Variants in CLVS1 observed in about 807,000 individuals in gnomAD.
The protein encoded by CLVS1 is clavesin-1.
In CLVS1, 10 loss-of-function variants were observed where a neutral mutation model predicts 33.1. The observed-to-expected ratio is 0.30, with a 90% CI of 0.19 to 0.51. CLVS1 has a LOEUF of 0.51. CLVS1 is among the 20% of genes least tolerant of loss of function. The pLI is 0.97. For missense variants in CLVS1, 343 were observed against 433.4 expected, an observed-to-expected ratio of 0.79 and a Z score of 1.85; for synonymous variants, 163 against 166.1, an observed-to-expected ratio of 0.98 and a Z score of 0.14.
intron 2 of CLVS1, among the ~76,000 whole-genome samples, chr8:61,194,587 T>A (rs2129303445): frequency 6.6e-6 from 1 of 152,038 alleles, no homozygotes; most frequent in Admixed American, 6.6e-5. Context: ...CAAAGGGAAA[T>A]AGATAAATAA....
At chr8:61,224,189 C>A (rs765801181) in intron 2 of CLVS1, among the ~76,000 whole-genome samples, 6 of 152,124 alleles carry the variant, frequency 3.9e-5, no homozygotes, top group Non-Finnish European at 7.4e-5. Context: ...ATCTCCTCCT[C>A]CGTCCAGTTC....
intron 2 of CLVS1, among the ~76,000 whole-genome samples, chr8:61,236,746 T>G: frequency 6.6e-6 from 1 of 151,748 alleles, no homozygotes; most frequent in Non-Finnish European, 1.5e-5. Context: ...TGGAAAAGAC[T>G]GTAGAGATCA....
At chr8:61,379,146 A>G (rs1379255643) in intron 3 of CLVS1, among the ~76,000 whole-genome samples, 1 of 152,158 alleles carries the variant, frequency 6.6e-6, no homozygotes, top group African/African-American at 2.4e-5. Flanking sequence ...GGAGGTTGTG[A>G]GGGAGGGAGA....
At chr8:61,169,437 G>A (rs999460275) in intron 2 of CLVS1, among the ~76,000 whole-genome samples, 3 of 151,932 alleles carry the variant, frequency 2.0e-5, no homozygotes, top group African/African-American at 7.3e-5. Flanking sequence ...CAAATAGCCA[G>A]AAAATAATCA....
chr8:60,997,085 T>C, the CLVS1 span, among the ~76,000 whole-genome samples: 1 of 152,076 alleles, frequency 6.6e-6, no homozygotes, highest in African/African-American at 2.4e-5. Flanking sequence ...AAATTTGGAT[T>C]TTGGGAAAAA....
chr8:61,496,739 A>C (rs1424507680), intron 5 of CLVS1, among the ~76,000 whole-genome samples: 1 of 152,244 alleles, frequency 6.6e-6, no homozygotes, highest in Non-Finnish European at 1.5e-5. Flanking sequence ...TCCTTTCTAC[A>C]GTACATACAT....
intron 1 of CLVS1, among the ~76,000 whole-genome samples, chr8:61,093,361 C>T (rs1265592407): frequency 6.6e-6 from 1 of 152,164 alleles, no homozygotes; most frequent in Non-Finnish European, 1.5e-5. Flanking sequence ...GTAATGCAGC[C>T]TCTATGGCTA....
chr8:61,406,197 C>A (rs1814978177), intron 3 of CLVS1, among the ~76,000 whole-genome samples: 1 of 152,184 alleles, frequency 6.6e-6, no homozygotes, highest in East Asian at 1.9e-4. Context: ...TGTGTCTGAG[C>A]TAAAAGCAGT....
chr8:61,361,302 G>T (rs1202364511), intron 2 of CLVS1, among the ~76,000 whole-genome samples: 2 of 152,190 alleles, frequency 1.3e-5, no homozygotes, highest in Non-Finnish European at 2.9e-5. Context: ...GATGACTAAT[G>T]TGTCAGGGAA....
chr8:61,357,190 T>C (rs901281255), intron 2 of CLVS1, among the ~76,000 whole-genome samples: 1 of 152,036 alleles, frequency 6.6e-6, no homozygotes, highest in African/African-American at 2.4e-5. Context: ...TGAATGGGAG[T>C]TCACTCATGA....
intron 1 of CLVS1, among the ~76,000 whole-genome samples, chr8:61,074,266 A>G (rs1804857998): frequency 6.7e-6 from 1 of 150,096 alleles, no homozygotes; most frequent in South Asian, 2.1e-4. Flanking sequence ...TGAGCCAGGG[A>G]GGTAGAAGCT....
intron 3 of CLVS1, among the ~76,000 whole-genome samples, chr8:61,438,226 C>T (rs551449913): frequency 4.6e-5 from 7 of 152,184 alleles, no homozygotes; most frequent in Admixed American, 2.6e-4. Flanking sequence ...CCCCTCCCTG[C>T]GTCTATGTGT....
At chr8:61,493,537 C>T (rs1337456675) in intron 5 of CLVS1, among the ~76,000 whole-genome samples, 1 of 152,184 alleles carries the variant, frequency 6.6e-6, no homozygotes, top group Non-Finnish European at 1.5e-5. Context: ...AGGCCGAATT[C>T]ACCCAAGATC....
At chr8:61,130,381 G>A (rs1320871723) in intron 1 of CLVS1, among the ~76,000 whole-genome samples, 1 of 152,060 alleles carries the variant, frequency 6.6e-6, no homozygotes, top group East Asian at 1.9e-4. Context: ...TGGAGCCCTT[G>A]TGCATACCAC....
At chr8:61,425,253 G>A (rs1815838239) in intron 3 of CLVS1, among the ~76,000 whole-genome samples, 1 of 152,050 alleles carries the variant, frequency 6.6e-6, no homozygotes, top group South Asian at 2.1e-4. Flanking sequence ...AAGGTACTTT[G>A]CATTTCAAAA....
intron 2 of CLVS1, among the ~76,000 whole-genome samples, chr8:61,330,837 C>A (rs1488660028): frequency 2.6e-5 from 4 of 151,948 alleles, no homozygotes; most frequent in African/African-American, 9.7e-5. Context: ...TGCCTGCAAT[C>A]CCAGCACTGT....
intron 2 of CLVS1, among the ~76,000 whole-genome samples, chr8:61,201,863 A>T (rs1807739677): frequency 6.6e-6 from 1 of 152,234 alleles, no homozygotes; most frequent in African/African-American, 2.4e-5. Flanking sequence ...CTTTCTGCAG[A>T]AAGGGTACAC....
At chr8:61,002,240 C>G in the CLVS1 span, among the ~76,000 whole-genome samples, 1 of 152,144 alleles carries the variant, frequency 6.6e-6, no homozygotes, top group East Asian at 1.9e-4. Context: ...CCTTGGCCTC[C>G]CAAAGTACTG....
the CLVS1 span, among the ~76,000 whole-genome samples, chr8:61,038,437 G>GTGTATATA: frequency 6.3e-5 from 9 of 142,720 alleles, no homozygotes; most frequent in African/African-American, 1.0e-4. Flanking sequence ...CCTGTCGTTT[G>GTGTATATA]TATATATATA....
Sources: gnomAD v4.1 joint callset for allele counts (sites outside exome capture counted in the v4.1 genomes callset) on GRCh38, gnomAD v4.1.1 for gene constraint, MANE v1.5 for transcripts, NCBI Gene and HGNC (gene_info 2026-07-23, HGNC 2026-07-21) for gene names.